Variants in STK39 observed in about 807,000 individuals in gnomAD.
STK39 encodes the protein STE20/SPS1-related proline-alanine-rich protein kinase.
STK39 carries 20 observed loss-of-function variants against 77.8 expected under a neutral mutation model. The ratio of observed to expected loss-of-function variants is 0.26; its 90% CI spans 0.18 to 0.37. The LOEUF (loss-of-function observed/expected upper bound fraction) is 0.37, where lower values mean the gene tolerates loss of function less well. Among genes scored for constraint, STK39 ranks in the 10% least tolerant of loss-of-function variants. STK39 has a pLI of 1.00. For missense variants in STK39, 479 were observed against 656.5 expected (o/e 0.73, Z 2.95); for synonymous variants, 246 against 234.1 (o/e 1.05, Z -0.47).
intron 10 of STK39, among the ~76,000 whole-genome samples, chr2:168,104,937 ACCCAG>A (rs1000504980): frequency 1.3e-5 from 2 of 152,216 alleles, no homozygotes; most frequent in Non-Finnish European, 2.9e-5. Context: ...AGTATATCCT[ACCCAG>A]TAGTACATTA....
At chr2:168,129,815 C>T in intron 8 of STK39, 57 bp from the exon 9 acceptor site, 1 of 1,580,708 alleles carries the variant, frequency 6.3e-7, no homozygotes, top group South Asian at 1.1e-5. Flanking sequence ...AAATGCACTG[C>T]CTTGATGAAA....
intron 10 of STK39, among the ~76,000 whole-genome samples, chr2:168,124,722 C>T (rs1436455552): frequency 6.6e-6 from 1 of 152,054 alleles, no homozygotes; most frequent in African/African-American, 2.4e-5. Flanking sequence ...TAGAAAGCCA[C>T]AGAAAGCATA....
chr2:168,237,849 C>A (rs920815167), intron 1 of STK39, among the ~76,000 whole-genome samples: 1 of 152,126 alleles, frequency 6.6e-6, no homozygotes, highest in Non-Finnish European at 1.5e-5. Context: ...CTTATAAAAA[C>A]CAGCCATGAC....
intron 16 of STK39, among the ~76,000 whole-genome samples, chr2:167,983,686 A>G (rs1683488080): frequency 6.6e-6 from 1 of 152,070 alleles, no homozygotes; most frequent in Non-Finnish European, 1.5e-5. Flanking sequence ...CCCTTCTGCA[A>G]TGTGTCTCTC....
intron 10 of STK39, among the ~76,000 whole-genome samples, chr2:168,077,220 C>T (rs1056000430): frequency 5.9e-5 from 9 of 152,116 alleles, no homozygotes; most frequent in Non-Finnish European, 1.2e-4. Context: ...TCTTTAAGTA[C>T]TCACCCAAGA....
chr2:168,159,892 T>A (rs1429374496), intron 5 of STK39, among the ~76,000 whole-genome samples: 1 of 152,208 alleles, frequency 6.6e-6, no homozygotes, highest in Non-Finnish European at 1.5e-5. Context: ...ACACCTACCC[T>A]GTGCAGGGGC....
rs142676222 is a variant in STK39, at chr2:168,035,079, C to T, written c.1377-17984G>A. On this transcript the variant is annotated intron_variant, in intron 14 of 17. Coordinates refer to ENST00000355999, the MANE Select transcript of STK39 (RefSeq NM_013233.3). The stretch of plus-strand genomic sequence containing the variant: ...ACTTGGAACCAATATCAAAGTTGGT[C>T]GTTAATGATTTGAGGTTGGCCTGGG... Among the ~76,000 whole-genome samples the T allele has an allele frequency of 5.3e-5, 8 of 152,216 alleles. No individual in the cohort carries two copies. The East Asian group carries it at 1.4e-3, about 26-fold the overall frequency.
intron 16 of STK39, among the ~76,000 whole-genome samples, chr2:168,005,829 G>A (rs1444679948): frequency 2.6e-5 from 4 of 152,216 alleles, no homozygotes; most frequent in Non-Finnish European, 5.9e-5. Flanking sequence ...GGTAAGTCTT[G>A]CAGGCAGACA....
intron 10 of STK39, among the ~76,000 whole-genome samples, chr2:168,102,125 T>C (rs1386091512): frequency 2.0e-5 from 2 of 102,280 alleles, no homozygotes; most frequent in South Asian, 4.1e-4. Flanking sequence ...TGAACATTCA[T>C]GTACACTTTT....
chr2:168,224,141 G>C (rs987821830), intron 1 of STK39, among the ~76,000 whole-genome samples: 6 of 151,702 alleles, frequency 4.0e-5, no homozygotes, highest in Non-Finnish European at 7.4e-5. Flanking sequence ...TATAAGGGGA[G>C]AAAGAAAAGA....
At chr2:168,012,821 A>T (rs942235934) in intron 15 of STK39, 119 bp from the exon 16 acceptor site, 7 of 676,088 alleles carry the variant, frequency 1.0e-5, no homozygotes, top group Non-Finnish European at 1.6e-5. Flanking sequence ...TAATTCAACA[A>T]TTCAGACTCT....
rs370866485 is a variant in STK39 at position 168,124,923 on chromosome 2, T to A, written c.1089+4618A>T. On this transcript the variant is annotated intron_variant, in intron 10 of 17. Coordinates refer to ENST00000355999, the MANE Select transcript of STK39 (RefSeq NM_013233.3). Reference sequence around the variant, plus strand: ...TCACTCATGAGTGGGAGTTGAACAATGAGAACACATGGAGACAGGGAGGGG... The same window carrying A: ...TCACTCATGAGTGGGAGTTGAACAAAGAGAACACATGGAGACAGGGAGGGG... 3.3e-5 allele frequency among the ~76,000 whole-genome samples: 5 copies of A among 150,654 alleles called. No homozygotes were observed. In the East Asian group the frequency reaches 5.9e-4, roughly 18 times the overall value.
At chr2:168,165,570 C>CTTTTTCTTTTCCTTTTTCTT (rs961696092) in intron 3 of STK39, among the ~76,000 whole-genome samples, 1 of 152,026 alleles carries the variant, frequency 6.6e-6, no homozygotes, top group African/African-American at 2.4e-5. Context: ...GGCAGGCTTC[C>CTTTTTCTTTTCCTTTTTCTT]TTTTTCTTTT....
In STK39 at chr2:168,234,345, GTACCCTA is replaced by G. The variant is rs1379795083; in HGVS notation, c.208+12876_208+12882del. Among the ~76,000 whole-genome samples, 17 of 152,334 alleles carry G rather than the reference GTACCCTA, an allele frequency of 1.1e-4. No individual in the cohort carries two copies. In the East Asian group the frequency reaches 2.3e-3, roughly 21 times the overall value. The stretch of plus-strand genomic sequence containing the variant: ...ATGTGGCCAGTGTAACCGAAGGACT[GTACCCTA>G]TTTCTTTAACTTTACTTAATTAATT... On this transcript the variant is annotated intron_variant, in intron 1 of 17. Transcript: ENST00000355999.
intron 5 of STK39, among the ~76,000 whole-genome samples, chr2:168,160,067 T>C (rs1688530971): frequency 6.6e-6 from 1 of 152,056 alleles, no homozygotes; most frequent in African/African-American, 2.4e-5. Context: ...AAAAGGACAA[T>C]GTGTTCCAGA....
chr2:168,063,422 T>C, intron 14 of STK39, 78 bp downstream of exon 14: 1 of 1,273,236 alleles, frequency 7.9e-7, no homozygotes, highest in Non-Finnish European at 1.1e-6. Context: ...ATGCTAATAT[T>C]ATGAAAGGTT....
At chr2:168,039,753 C>T (rs1303987571) in intron 14 of STK39, among the ~76,000 whole-genome samples, 1 of 152,112 alleles carries the variant, frequency 6.6e-6, no homozygotes, top group Non-Finnish European at 1.5e-5. Flanking sequence ...GTGTACACAG[C>T]TGTCAAAATT....
chr2:168,136,339 AG>A (rs1217534533), intron 8 of STK39, among the ~76,000 whole-genome samples: 1 of 150,174 alleles, frequency 6.7e-6, no homozygotes, highest in Non-Finnish European at 1.5e-5. Flanking sequence ...ACTGCACTCT[AG>A]CCCAGTGACA....
At chr2:168,169,576 G>T (rs35851104) in intron 2 of STK39, among the ~76,000 whole-genome samples, 65,210 of 151,438 alleles carry the variant, frequency 0.43, 16,038 homozygotes, top group East Asian at 0.77. Context: ...TTTGCATTTA[G>T]ATGGCCAGTA....
Sources: allele counts gnomAD v4.1 joint callset (sites outside exome capture counted in the v4.1 genomes callset), GRCh38; gene constraint gnomAD v4.1.1; transcripts MANE v1.5; gene names NCBI Gene and HGNC (gene_info 2026-07-23, HGNC 2026-07-21).